CSMD1: variants seen among roughly 807,000 people sequenced by gnomAD.
CSMD1 encodes CUB and Sushi multiple domains 1.
A neutral mutation model predicts 417.5 loss-of-function variants in CSMD1; 213 were observed. The ratio of observed to expected loss-of-function variants is 0.51; its 90% CI spans 0.46 to 0.57. CSMD1 has a LOEUF of 0.57. Among genes scored for constraint, CSMD1 ranks in the 20% least tolerant of loss-of-function variants. The pLI, the probability that CSMD1 is intolerant of heterozygous loss-of-function variation, is 0.00. For synonymous variants in CSMD1, 2,862 were observed against 1,736.8 expected (o/e 1.65, Z -16.11); for missense variants, 6,923 against 4,529.7 (o/e 1.53, Z -15.17).
At chr8:4,035,303 G>C (rs1411433346) in intron 3 of CSMD1, among the ~76,000 whole-genome samples, 2 of 152,130 alleles carry the variant, frequency 1.3e-5, no homozygotes, top group Non-Finnish European at 2.9e-5. Context: ...CACTGCATAT[G>C]CTTGATGATA....
At chr8:4,083,537 C>T (rs1299609788) in intron 3 of CSMD1, among the ~76,000 whole-genome samples, 1 of 152,094 alleles carries the variant, frequency 6.6e-6, no homozygotes, top group Non-Finnish European at 1.5e-5. Flanking sequence ...AATAATGCCG[C>T]ATATTTACAA....
At chr8:3,214,440 G>T (rs1365459087) in intron 30 of CSMD1, 57 bp downstream of exon 30, 6 of 1,373,262 alleles carry the variant, frequency 4.4e-6, no homozygotes, top group Non-Finnish European at 9.8e-7. Flanking sequence ...TCTTCAATGA[G>T]ATGCTGCATT....
intron 1 of CSMD1, among the ~76,000 whole-genome samples, chr8:4,970,317 T>G (rs965043715): frequency 6.6e-5 from 10 of 152,098 alleles, no homozygotes; most frequent in African/African-American, 2.2e-4. Context: ...TAAGTAAATG[T>G]GGCAAGGGGA....
chr8:3,493,231 T>C (rs1052039392), intron 11 of CSMD1, among the ~76,000 whole-genome samples: 1 of 145,506 alleles, frequency 6.9e-6, no homozygotes, highest in African/African-American at 2.6e-5. Flanking sequence ...GAGGCGGAGG[T>C]TGCAGTGAGC....
intron 3 of CSMD1, among the ~76,000 whole-genome samples, chr8:4,211,577 T>G (rs1800316338): frequency 6.6e-6 from 1 of 152,162 alleles, no homozygotes; most frequent in Admixed American, 6.5e-5. Context: ...TAGATAGAAG[T>G]TTTGCTGAAA....
chr8:4,236,035 G>GTTTTTTTTTTTTTT (rs869046913), intron 3 of CSMD1, among the ~76,000 whole-genome samples: 6 of 112,606 alleles, frequency 5.3e-5, no homozygotes, highest in African/African-American at 2.3e-4. Context: ...TGTTTTTTTT[G>GTTTTTTTTTTTTTT]TTTGTTTTTT....
chr8:4,751,346 G>C (rs1811312582), intron 1 of CSMD1, among the ~76,000 whole-genome samples: 1 of 151,946 alleles, frequency 6.6e-6, no homozygotes, highest in Non-Finnish European at 1.5e-5. Flanking sequence ...AGCCGAGATA[G>C]CGCCACTGCA....
chr8:3,148,639 T>C (rs2129034547), intron 40 of CSMD1, among the ~76,000 whole-genome samples: 1 of 152,308 alleles, frequency 6.6e-6, no homozygotes, highest in Non-Finnish European at 1.5e-5. Flanking sequence ...TACTTAAATG[T>C]TTTTCACTAT....
chr8:3,472,791 G>T (rs186975885), intron 11 of CSMD1, among the ~76,000 whole-genome samples: 1 of 152,004 alleles, frequency 6.6e-6, no homozygotes, highest in Admixed American at 6.6e-5. Flanking sequence ...AACATTTAGG[G>T]CAGTCAAAAC....
intron 31 of CSMD1, among the ~76,000 whole-genome samples, chr8:3,202,445 G>A (rs1357974118): frequency 6.6e-6 from 1 of 152,146 alleles, no homozygotes; most frequent in Non-Finnish European, 1.5e-5. Flanking sequence ...AAAGGTGTGT[G>A]AACACACCTC....
chr8:3,034,163 T>C (rs1255334680), intron 50 of CSMD1, among the ~76,000 whole-genome samples: 4 of 152,362 alleles, frequency 2.6e-5, no homozygotes, highest in Admixed American at 6.5e-5. Context: ...CTAAATTTCA[T>C]GTGTCAAAAG....
intron 4 of CSMD1, among the ~76,000 whole-genome samples, chr8:4,014,600 G>C (rs994202748): frequency 3.3e-5 from 5 of 152,162 alleles, no homozygotes; most frequent in Admixed American, 1.3e-4. Context: ...ACTCCTGTGA[G>C]ATTAAAAGTA....
Position 4,468,634 on chromosome 8 carries a change from G to A in CSMD1, c.303-48569C>T, listed in dbSNP as rs574219984. ...TCAATTTGAACCTAATTGTTAAAAT[G>A]GTCCATATCCTACTAAACCTAGGTA... is the stretch of plus-strand genomic sequence containing the variant. On this transcript the variant is annotated intron_variant, in intron 2 of 69. Coordinates refer to ENST00000635120, the MANE Select transcript of CSMD1 (RefSeq NM_033225.6). Among the ~76,000 whole-genome samples, 11 of 152,200 alleles carry A rather than the reference G, an allele frequency of 7.2e-5. No individual in the cohort carries two copies. The East Asian group carries it at 2.1e-3, about 29-fold the overall frequency.
intron 1 of CSMD1, among the ~76,000 whole-genome samples, chr8:4,650,377 A>T (rs932218934): frequency 6.0e-5 from 9 of 150,706 alleles, no homozygotes; most frequent in Non-Finnish European, 1.0e-4. Context: ...AAAAAAATCA[A>T]TGAAAACAAT....
In CSMD1 at chr8:4,287,562, A is replaced by G. The variant is rs1254512080; in HGVS notation, c.415+132391T>C. Among the ~76,000 whole-genome samples the G allele has an allele frequency of 2.6e-5, 4 of 152,116 alleles. No homozygotes were observed. In the East Asian group the frequency reaches 7.7e-4, roughly 29 times the overall value. On this transcript the variant is annotated intron_variant, in intron 3 of 69. Coordinates refer to ENST00000635120, the MANE Select transcript of CSMD1 (RefSeq NM_033225.6). ...TCGTTATAGATAACAAAGACGGGGG[A>G]CTAATGTCTGCAAGCTTTTATTACC... is the stretch of plus-strand genomic sequence containing the variant.
intron 3 of CSMD1, among the ~76,000 whole-genome samples, chr8:4,381,239 G>A (rs1359048470): frequency 5.3e-5 from 8 of 152,110 alleles, no homozygotes; most frequent in African/African-American, 1.9e-4. Flanking sequence ...GTGAGATTAG[G>A]GGAGCATCTG....
chr8:3,199,898 T>C (rs1025928013), intron 32 of CSMD1, 89 bp from the exon 33 acceptor site: 2 of 717,686 alleles, frequency 2.8e-6, no homozygotes, highest in South Asian at 1.9e-5. Flanking sequence ...AGTTGAAATT[T>C]CACATTTATT....
chr8:3,232,167 T>A (rs923234437), intron 26 of CSMD1, among the ~76,000 whole-genome samples: 1 of 152,230 alleles, frequency 6.6e-6, no homozygotes, highest in African/African-American at 2.4e-5. Flanking sequence ...GAAGTCACTT[T>A]CTGAATTTTA....
chr8:3,626,481 A>G (rs144982960), intron 7 of CSMD1, among the ~76,000 whole-genome samples: 77 of 152,254 alleles, frequency 5.1e-4, no homozygotes, highest in African/African-American at 1.6e-3. Flanking sequence ...TAAAGTCGTT[A>G]TATATTTTAG....
Sources: gnomAD v4.1 joint callset for allele counts (sites outside exome capture counted in the v4.1 genomes callset) on GRCh38, gnomAD v4.1.1 for gene constraint, MANE v1.5 for transcripts, NCBI Gene and HGNC (gene_info 2026-07-23, HGNC 2026-07-21) for gene names.